CNOT10: variants seen among roughly 807,000 people sequenced by gnomAD.
The protein encoded by CNOT10 is CCR4-NOT transcription complex subunit 10, also known as CCR4-NOT transcription complex, subunit 10.
Under a neutral mutation model 94.6 loss-of-function variants are expected in CNOT10, and 30 were observed. The observed-to-expected ratio is 0.32, with a 90% CI of 0.24 to 0.43. The LOEUF (loss-of-function observed/expected upper bound fraction) is 0.43, where lower values mean the gene tolerates loss of function less well. CNOT10 is among the 20% of genes least tolerant of loss of function. The probability of loss-of-function intolerance (pLI) is 1.00; values close to 1 mark genes in which losing one functional copy is unlikely to be tolerated. For missense variants in CNOT10, 759 were observed against 877.2 expected, an observed-to-expected ratio of 0.87 and a Z score of 1.70; for synonymous variants, 289 against 301.6, an observed-to-expected ratio of 0.96 and a Z score of 0.43.
At chr3:32,712,681 A>G (rs1176174377) in intron 4 of CNOT10, among the ~76,000 whole-genome samples, 4 of 152,124 alleles carry the variant, frequency 2.6e-5, no homozygotes, top group Non-Finnish European at 5.9e-5. Context: ...CCCTGTTTCT[A>G]TGAAAAAATT....
chr3:32,760,788 T>A (rs1700410766), intron 14 of CNOT10, among the ~76,000 whole-genome samples: 1 of 152,104 alleles, frequency 6.6e-6, no homozygotes, highest in Non-Finnish European at 1.5e-5. Flanking sequence ...ACTTACTCTT[T>A]GGCTTTTTAG....
intron 13 of CNOT10, among the ~76,000 whole-genome samples, chr3:32,755,489 T>G (rs1336092670): frequency 6.6e-6 from 1 of 151,586 alleles, no homozygotes; most frequent in Non-Finnish European, 1.5e-5. Context: ...TGTGTAACTT[T>G]TTGTATCATT....
chr3:32,728,626 A>G (rs1575251856), intron 10 of CNOT10, among the ~76,000 whole-genome samples: 1 of 152,122 alleles, frequency 6.6e-6, no homozygotes, highest in East Asian at 1.9e-4. Context: ...AAAAATAAAA[A>G]TAAAAATTTA....
Position 32,764,721 on chromosome 3 carries a change from A to T in CNOT10, c.1916A>T (p.Asn639Ile), listed in dbSNP as rs1017392528. The change falls in exon 17 of 19, where the codon AAC (asparagine) becomes ATC (isoleucine). Residue 639 changes from asparagine (N) to isoleucine (I), a missense_variant. Coordinates refer to ENST00000328834, the MANE Select transcript of CNOT10 (RefSeq NM_015442.3). ...RAPQCYPSSV[N>I]SARTVMLFNL... is the part of the protein sequence containing the mutation. ...CCTCAGTGCTACCCCAGTTCCGTCA[A>T]CTCTGCCAGGACTGTGATGCTGTTC... 1.2e-6 allele frequency: 2 copies of T among 1,613,808 alleles called. No homozygotes were observed. Among genetic ancestry groups the T allele is most frequent in the African/African-American group, 1.3e-5 (1 of 74,816 alleles).
intron 13 of CNOT10, among the ~76,000 whole-genome samples, chr3:32,744,568 A>G (rs1002674448): frequency 6.6e-6 from 1 of 152,184 alleles, no homozygotes; most frequent in African/African-American, 2.4e-5. Flanking sequence ...AAGTTGTGAG[A>G]TTGTATATTA....
rs545474411 is a variant in CNOT10, at chr3:32,753,878, G to A, written c.1596-5580G>A. 4.8e-5 allele frequency: 66 copies of A among 1,365,492 alleles called. 1 individual carries two copies. The South Asian group carries it at 6.3e-4, about 13-fold the overall frequency. 84.6% of individuals were successfully genotyped at this position (1,365,492 alleles called of 1,614,324 possible). A position where few individuals can be genotyped will look rare whatever the true frequency, so the allele number is the denominator to read the frequency against. ...AAGGAAAGTTGAAATCAATCCTGAT[G>A]ATATGGAATGGAAAAAGTACTAAAT... On this transcript the variant is annotated intron_variant, in intron 13 of 18. Coordinates refer to ENST00000328834, the MANE Select transcript of CNOT10 (RefSeq NM_015442.3).
chr3:32,730,331 G>T (rs1052965650), intron 10 of CNOT10, among the ~76,000 whole-genome samples: 5 of 152,086 alleles, frequency 3.3e-5, no homozygotes, highest in Non-Finnish European at 7.4e-5. Flanking sequence ...AGAGGAGAAG[G>T]AGCGGGAGGG....
chr3:32,772,978 G>A (rs1278874934), intron 18 of CNOT10, among the ~76,000 whole-genome samples: 2 of 152,100 alleles, frequency 1.3e-5, no homozygotes, highest in Non-Finnish European at 2.9e-5. Context: ...CAGCCCTCCT[G>A]CCTCAGCCCC....
intron 13 of CNOT10, among the ~76,000 whole-genome samples, chr3:32,741,362 C>A (rs1015811535): frequency 5.9e-5 from 9 of 151,890 alleles, no homozygotes; most frequent in African/African-American, 1.9e-4. Context: ...GGGGCTGTTA[C>A]AAATAAAGCT....
chr3:32,714,440 A>T (rs933447414), intron 5 of CNOT10, among the ~76,000 whole-genome samples: 1 of 148,730 alleles, frequency 6.7e-6, no homozygotes, highest in Non-Finnish European at 1.5e-5. Context: ...TGGGCGTGGT[A>T]GCTCACACCT....
intron 5 of CNOT10, among the ~76,000 whole-genome samples, chr3:32,714,683 T>C (rs1698044697): frequency 6.6e-6 from 1 of 152,204 alleles, no homozygotes; most frequent in Non-Finnish European, 1.5e-5. Context: ...CACTCCAGCC[T>C]GGGAGACAGA....
At chr3:32,767,992 C>T (rs1043457418) in intron 17 of CNOT10, among the ~76,000 whole-genome samples, 2 of 151,962 alleles carry the variant, frequency 1.3e-5, no homozygotes, top group Non-Finnish European at 2.9e-5. Flanking sequence ...TTGTTTTGGT[C>T]CCTTGGTTTT....
chr3:32,713,685 C>T (rs979912602), intron 5 of CNOT10, among the ~76,000 whole-genome samples: 5 of 152,172 alleles, frequency 3.3e-5, no homozygotes, highest in African/African-American at 1.2e-4. Flanking sequence ...CCCCAAGCAG[C>T]CGTTAATCTA....
intron 1 of CNOT10, among the ~76,000 whole-genome samples, chr3:32,688,756 T>TA (rs371230039): frequency 2.7e-5 from 4 of 150,924 alleles, no homozygotes; most frequent in African/African-American, 9.7e-5. Flanking sequence ...ACCCTGACTC[T>TA]AAAAAATAAA....
intron 13 of CNOT10, chr3:32,753,587 G>T: frequency 6.3e-7 from 1 of 1,585,928 alleles, no homozygotes; most frequent in South Asian, 1.1e-5. Context: ...GAGGAGCAAG[G>T]AGATGTGCCT....
intron 13 of CNOT10, among the ~76,000 whole-genome samples, chr3:32,740,714 T>G (rs1195901796): frequency 6.6e-6 from 1 of 151,792 alleles, no homozygotes; most frequent in African/African-American, 2.4e-5. Flanking sequence ...TACAAAAAAT[T>G]AGCCGGGCGT....
rs1698306026 is a variant in CNOT10 at position 32,720,149 on chromosome 3, G to A, written c.780G>A (p.Glu260=). 3.9e-6 allele frequency: 6 copies of A among 1,543,758 alleles called. No homozygotes were observed. In the East Asian group the frequency reaches 1.1e-4, roughly 29 times the overall value. ...APSLFLKSNF[E]YLRGNYRKAV... The stretch of plus-strand genomic sequence containing the variant: ...CTCTCTTTCTTAAAAGCAATTTTGA[G>A]TACTTAAGAGGTAATTATCGAAAAG... Residue 260 remains glutamate (E), a synonymous_variant, in exon 8 of 19, where the codon GAG becomes GAA. Coordinates refer to ENST00000328834, the MANE Select transcript of CNOT10 (RefSeq NM_015442.3).
At chr3:32,725,081 C>T (rs1176599627) in intron 8 of CNOT10, among the ~76,000 whole-genome samples, 1 of 152,042 alleles carries the variant, frequency 6.6e-6, no homozygotes. Context: ...TGCCTGTAAT[C>T]CCAGAACTTT....
chr3:32,749,483 C>A (rs894238067), intron 13 of CNOT10, among the ~76,000 whole-genome samples: 1 of 147,906 alleles, frequency 6.8e-6, no homozygotes, highest in African/African-American at 2.5e-5. Flanking sequence ...GATCTCGGCT[C>A]ACCTCAACCT....
Sources: gnomAD v4.1 joint callset for allele counts (sites outside exome capture counted in the v4.1 genomes callset) on GRCh38, gnomAD v4.1.1 for gene constraint, MANE v1.5 for transcripts, NCBI Gene and HGNC (gene_info 2026-07-23, HGNC 2026-07-21) for gene names.